Variants in C7 observed in about 807,000 individuals in gnomAD.
C7 encodes complement component C7.
In C7, 83 loss-of-function variants were observed where a neutral mutation model predicts 104.8. That is an observed-to-expected ratio of 0.79 (90% CI 0.66 to 0.95). The LOEUF (loss-of-function observed/expected upper bound fraction) is 0.95, where lower values mean the gene tolerates loss of function less well. Ranked by LOEUF, C7 falls within the 40% of genes least tolerant of loss-of-function variation. The probability of loss-of-function intolerance (pLI) is 0.00; values close to 1 mark genes in which losing one functional copy is unlikely to be tolerated. For missense variants in C7, 1,070 were observed against 1,011.2 expected (o/e 1.06, Z -0.79); for synonymous variants, 415 against 360.6 (o/e 1.15, Z -1.71).
At chr5:40,965,525 G>C (rs930401661) in intron 14 of C7, among the ~76,000 whole-genome samples, 4 of 152,092 alleles carry the variant, frequency 2.6e-5, no homozygotes, top group African/African-American at 9.7e-5. Context: ...AGCCTTCCAA[G>C]TGGTTGTACT....
intron 16 of C7, among the ~76,000 whole-genome samples, chr5:40,978,727 G>A (rs935361930): frequency 6.6e-6 from 1 of 152,062 alleles, no homozygotes; most frequent in Non-Finnish European, 1.5e-5. Flanking sequence ...ATGCTGTGTT[G>A]TCTAAGGTTT....
In C7 at chr5:40,933,102, C is replaced by T. The variant is rs144597425; in HGVS notation, c.139-1223C>T. ...CTAAAAATGGTATCAAGAAACCTTA[C>T]CGAGTTCCATTCCCCACTCATATTC... On this transcript the variant is annotated intron_variant, in intron 3 of 17. Coordinates refer to ENST00000313164, the MANE Select transcript of C7 (RefSeq NM_000587.4). Among the ~76,000 whole-genome samples, 583 of 152,298 alleles carry T rather than the reference C, an allele frequency of 3.8e-3. 2 individuals are homozygous for T. The highest frequency in any genetic ancestry group is 4.4e-3 in the Non-Finnish European group (301 of 68,026).
At chr5:40,926,559 T>C (rs988662997) in intron 1 of C7, among the ~76,000 whole-genome samples, 1 of 152,198 alleles carries the variant, frequency 6.6e-6, no homozygotes, top group Non-Finnish European at 1.5e-5. Flanking sequence ...AATAAATGAA[T>C]ACTGTAAAAT....
chr5:40,949,988 TG>T lies in C7; in HGVS notation c.1069del (p.Glu357LysfsTer4). Reference sequence around the variant, plus strand: ...TTTTCAAGTCATGGATGCAAGGAACTGGAAAACGCTTTAAAAGCTGCTTCAG... The same window carrying T: ...TTTTCAAGTCATGGATGCAAGGAACTGAAAACGCTTTAAAAGCTGCTTCAG... ...VKFSSHGCKE[L>X]ENALKAASGT... On this transcript the variant is annotated frameshift_variant, in exon 9 of 18. Transcript: ENST00000313164. LOFTEE classifies it high-confidence loss of function. 1 of 1,595,542 alleles carries T rather than the reference TG, an allele frequency of 6.3e-7. No individual in the cohort carries two copies. Among genetic ancestry groups the T allele is most frequent in the Non-Finnish European group, 8.5e-7 (1 of 1,170,030 alleles).
At chr5:40,966,380 T>C (rs1192580252) in intron 14 of C7, among the ~76,000 whole-genome samples, 1 of 151,782 alleles carries the variant, frequency 6.6e-6, no homozygotes, top group Non-Finnish European at 1.5e-5. Flanking sequence ...TTCTTTCTTT[T>C]TTTTTTTTTG....
chr5:40,911,122 A>C (rs1739198981), intron 1 of C7: 1 of 152,242 alleles, frequency 6.6e-6, no homozygotes, highest in African/African-American at 2.4e-5. Flanking sequence ...AAACAACTGT[A>C]ACACTAAAGC....
At chr5:40,919,044 G>A (rs1275651618) in intron 1 of C7, among the ~76,000 whole-genome samples, 1 of 149,778 alleles carries the variant, frequency 6.7e-6, no homozygotes, top group East Asian at 2.0e-4. Context: ...AGTGCACACA[G>A]AACTTTCTCC....
intron 1 of C7, among the ~76,000 whole-genome samples, chr5:40,917,867 G>A (rs1047336239): frequency 2.6e-5 from 4 of 151,966 alleles, no homozygotes; most frequent in African/African-American, 7.3e-5. Flanking sequence ...GACAACTATA[G>A]TAACACTAAA....
chr5:40,973,331 G>A (rs984611285), intron 15 of C7, among the ~76,000 whole-genome samples: 8 of 152,096 alleles, frequency 5.3e-5, no homozygotes, highest in African/African-American at 1.9e-4. Flanking sequence ...ACAAAAATGA[G>A]AATGAAGAAA....
chr5:40,951,511 T>C lies in C7; in HGVS notation c.1093+1497T>C, dbSNP rs535401645. The stretch of plus-strand genomic sequence containing the variant: ...AAGGGTTGAAAAACTAACTATTGGG[T>C]ACTTACTCTCACTACCTGGGTGTTG... On this transcript the variant is annotated intron_variant, in intron 9 of 17. Transcript: ENST00000313164. 3.3e-5 allele frequency among the ~76,000 whole-genome samples: 5 copies of C among 152,276 alleles called. No homozygotes were observed. The South Asian group carries it at 1.0e-3, about 32-fold the overall frequency.
intron 1 of C7, among the ~76,000 whole-genome samples, chr5:40,915,397 G>C (rs10044178): frequency 6.6e-6 from 1 of 152,156 alleles, no homozygotes; most frequent in African/African-American, 2.4e-5. Context: ...CTGAAAGTAA[G>C]AGAGACAGAT....
chr5:40,955,658 A>G, intron 10 of C7, 105 bp downstream of exon 10: 1 of 945,508 alleles, frequency 1.1e-6, no homozygotes, highest in Non-Finnish European at 1.6e-6. Context: ...GGCTGTAATT[A>G]GCATTTTCCG....
At position 40,928,626 on chromosome 5, in the gene C7, G is replaced by GC. The variant is rs1235074615; in HGVS notation, c.53_54insC (p.Ser20PhefsTer50). On this transcript the variant is annotated frameshift_variant, in exon 2 of 18. Transcript: ENST00000313164. LOFTEE classifies it high-confidence loss of function. ...GTGGGATTTATAGGAGAGTTCCAAA[G>GC]TTTTTCAAGGTGAGGACTTTTTGGG... is the stretch of plus-strand genomic sequence containing the variant. 1.3e-6 allele frequency: 2 copies of GC among 1,547,936 alleles called. No individual in the cohort carries two copies. The highest frequency in any genetic ancestry group is 1.9e-5 in the Admixed American group (1 of 52,170).
chr5:40,940,064 G>A (rs1008060738), intron 6 of C7, among the ~76,000 whole-genome samples: 6 of 152,270 alleles, frequency 3.9e-5, no homozygotes, highest in East Asian at 1.9e-4. Flanking sequence ...AGGTGTGGAC[G>A]CGGAGGTGGT....
rs1299022347 is a variant in C7 at position 40,982,833 on chromosome 5, T to A, written c.*1260T>A. 1 of 152,368 alleles carries A rather than the reference T, an allele frequency of 6.6e-6. No individual in the cohort carries two copies. The allele number at this position is 152,368 out of a possible 1,614,324, so 9.4% of individuals were successfully genotyped here. A position where few individuals can be genotyped will look rare whatever the true frequency, so the allele number is the denominator to read the frequency against. On this transcript the variant is annotated 3_prime_UTR_variant, in exon 18 of 18. Coordinates refer to ENST00000313164, the MANE Select transcript of C7 (RefSeq NM_000587.4). Reference sequence around the variant, plus strand: ...GGCTTAAATGAAATTTAAAATAAGCTATATTATACAAATACTATCTCTGTA... The same window carrying A: ...GGCTTAAATGAAATTTAAAATAAGCAATATTATACAAATACTATCTCTGTA...
intron 6 of C7, among the ~76,000 whole-genome samples, chr5:40,940,606 G>T (rs1214765787): frequency 2.6e-5 from 4 of 152,128 alleles, no homozygotes; most frequent in African/African-American, 9.7e-5. Flanking sequence ...CTAAGCCTTT[G>T]CTTCCTCTGT....
At chr5:40,943,550 GA>G (rs965126206) in intron 6 of C7, among the ~76,000 whole-genome samples, 6 of 149,874 alleles carry the variant, frequency 4.0e-5, no homozygotes, top group Admixed American at 1.3e-4. Context: ...AAGACAGGCG[GA>G]AATAGGCTAA....
At chr5:40,947,169 G>T (rs978526740) in intron 7 of C7, among the ~76,000 whole-genome samples, 3 of 149,192 alleles carry the variant, frequency 2.0e-5, no homozygotes, top group Non-Finnish European at 4.4e-5. Context: ...GTGTGATCAC[G>T]GCTCACTTCA....
intron 12 of C7, 28 bp downstream of exon 12, chr5:40,959,648 T>C: frequency 6.5e-7 from 1 of 1,535,752 alleles, no homozygotes; most frequent in Non-Finnish European, 8.8e-7. Flanking sequence ...CCCTGGCAGT[T>C]GCATAGAACA....
Sources: allele counts gnomAD v4.1 joint callset (sites outside exome capture counted in the v4.1 genomes callset), GRCh38; gene constraint gnomAD v4.1.1; transcripts MANE v1.5; gene names NCBI Gene and HGNC (gene_info 2026-07-23, HGNC 2026-07-21).